TGM6: variants seen among roughly 807,000 people sequenced by gnomAD.
TGM6 encodes transglutaminase 6, also known as protein-glutamine gamma-glutamyltransferase 6.
In TGM6, 74 loss-of-function variants were observed where a neutral mutation model predicts 77.5. The ratio of observed to expected loss-of-function variants is 0.96; its 90% CI spans 0.79 to 1.16. The LOEUF is 1.16. Among genes scored for constraint, TGM6 ranks in the 50% most tolerant of loss-of-function variants. The pLI is 0.00. For missense variants in TGM6, 968 were observed against 940.2 expected, an observed-to-expected ratio of 1.03 and a Z score of -0.39; for synonymous variants, 383 against 378.9, an observed-to-expected ratio of 1.01 and a Z score of -0.12.
chr20:2,427,386 C>A (rs1017769067), intron 10 of TGM6, among the ~76,000 whole-genome samples: 2 of 152,084 alleles, frequency 1.3e-5, no homozygotes, highest in Non-Finnish European at 2.9e-5. Context: ...GTAGAGATGT[C>A]CTCTCTTGCA....
intron 1 of TGM6, among the ~76,000 whole-genome samples, chr20:2,393,749 G>C (rs115290931): frequency 3.3e-5 from 5 of 151,984 alleles, no homozygotes; most frequent in Admixed American, 3.3e-4. Flanking sequence ...GTGGTCTCGA[G>C]CTCCTGAGCT....
chr20:2,410,291 T>C (rs573373425), intron 9 of TGM6, among the ~76,000 whole-genome samples: 1 of 152,184 alleles, frequency 6.6e-6, no homozygotes, highest in East Asian at 1.9e-4. Context: ...TGCTAAACAA[T>C]GGGGTTTGGA....
At chr20:2,406,302 G>T (rs1034749701) in intron 9 of TGM6, among the ~76,000 whole-genome samples, 1 of 151,848 alleles carries the variant, frequency 6.6e-6, no homozygotes, top group East Asian at 1.9e-4. Flanking sequence ...TCTAGCCTGG[G>T]CAACATGGCA....
In TGM6 at chr20:2,431,107, G is replaced by C. The variant is rs539316523; in HGVS notation, c.1967+80G>C. On this transcript the variant is annotated intron_variant, in intron 12 of 12. Transcript: ENST00000202625. ...AGCCAGAGAGAAGTTGCCAGGGATGGGGGTGTGAGAGAGATTCTGGACACC... is the reference window on the plus strand; with the variant it reads ...AGCCAGAGAGAAGTTGCCAGGGATGCGGGTGTGAGAGAGATTCTGGACACC... 2.2e-5 allele frequency: 35 copies of C among 1,583,948 alleles called. No individual in the cohort carries two copies. In the South Asian group the frequency reaches 3.2e-4, roughly 14 times the overall value.
At chr20:2,404,730 TC>T in intron 9 of TGM6, among the ~76,000 whole-genome samples, 1 of 151,994 alleles carries the variant, frequency 6.6e-6, no homozygotes, top group African/African-American at 2.4e-5. Flanking sequence ...AACCTCCGCC[TC>T]CTGGGTTCAA....
rs547708748 is a variant in TGM6 at position 2,406,587 on chromosome 20, G to A, written c.1336+2764G>A. 4.0e-5 allele frequency among the ~76,000 whole-genome samples: 6 copies of A among 151,220 alleles called. 1 individual carries two copies. The South Asian group carries it at 1.3e-3, about 32-fold the overall frequency. ...GCAGTGGCTCACACCTATAATCCCAGCACTCTGGGAGGCCGAGGCAGGCAG... is the reference window on the plus strand; with the variant it reads ...GCAGTGGCTCACACCTATAATCCCAACACTCTGGGAGGCCGAGGCAGGCAG... On this transcript the variant is annotated intron_variant, in intron 9 of 12. Transcript: ENST00000202625.
rs190167306 is a variant in TGM6, at chr20:2,387,385, G to A, written c.7+6410G>A. On this transcript the variant is annotated intron_variant, in intron 1 of 12. Coordinates refer to ENST00000202625, the MANE Select transcript of TGM6 (RefSeq NM_198994.3). Reference sequence around the variant, plus strand: ...CCCCCTGGAACTGTTGTTCCAGCTCGTGCCACATGGGGTCACTGTTGAACA... The same window carrying A: ...CCCCCTGGAACTGTTGTTCCAGCTCATGCCACATGGGGTCACTGTTGAACA... Among the ~76,000 whole-genome samples, 627 of 152,304 alleles carry A rather than the reference G, an allele frequency of 4.1e-3. 2 individuals carry two copies. The highest frequency in any genetic ancestry group is 6.5e-3 in the Non-Finnish European group (443 of 68,030).
intron 10 of TGM6, among the ~76,000 whole-genome samples, chr20:2,427,229 AT>A (rs1255271283): frequency 1.3e-5 from 2 of 152,064 alleles, no homozygotes; most frequent in Admixed American, 6.6e-5. Context: ...ATTTTAGCAG[AT>A]TTTTTTCTTT....
intron 10 of TGM6, among the ~76,000 whole-genome samples, chr20:2,425,602 T>C (rs2084882587): frequency 6.6e-6 from 1 of 152,210 alleles, no homozygotes; most frequent in Non-Finnish European, 1.5e-5. Context: ...AGTCAGGTAG[T>C]GCCAGTCCTC....
intron 1 of TGM6, among the ~76,000 whole-genome samples, chr20:2,381,953 G>A (rs866354872): frequency 2.0e-5 from 3 of 146,820 alleles, no homozygotes; most frequent in Admixed American, 6.9e-5. Context: ...TGTCCCCCAC[G>A]ACCTCAATAT....
chr20:2,428,594 G>C (rs1413534094), intron 10 of TGM6, among the ~76,000 whole-genome samples: 1 of 151,652 alleles, frequency 6.6e-6, no homozygotes, highest in Non-Finnish European at 1.5e-5. Flanking sequence ...TAAAGTATTT[G>C]GCATCATTCT....
intron 6 of TGM6, 68 bp from the exon 7 acceptor site, chr20:2,400,238 G>C: frequency 6.2e-7 from 1 of 1,608,542 alleles, no homozygotes; most frequent in Non-Finnish European, 8.5e-7. Flanking sequence ...CAGGGCGCCT[G>C]CTGTGGAAGC....
intron 1 of TGM6, among the ~76,000 whole-genome samples, chr20:2,386,483 T>G (rs2084596930): frequency 6.6e-6 from 1 of 151,988 alleles, no homozygotes; most frequent in Non-Finnish European, 1.5e-5. Flanking sequence ...ATGGGGTTAA[T>G]GGGGAGCAAA....
In TGM6 at chr20:2,426,484, T is replaced by C. The variant is rs571991050; in HGVS notation, c.1679-3962T>C. Among the ~76,000 whole-genome samples the C allele has an allele frequency of 9.7e-4, 147 of 152,300 alleles. 1 individual carries two copies. Among genetic ancestry groups the C allele is most frequent in the African/African-American group, 3.4e-3 (141 of 41,580 alleles). On this transcript the variant is annotated intron_variant, in intron 10 of 12. Coordinates refer to ENST00000202625, the MANE Select transcript of TGM6 (RefSeq NM_198994.3). ...AACAAAGACTGTTTTATTTCTTCCT[T>C]CCCAATCTGTATACATTTTATTTCC...
At chr20:2,389,876 C>T (rs181360531) in intron 1 of TGM6, among the ~76,000 whole-genome samples, 143 of 152,294 alleles carry the variant, frequency 9.4e-4, no homozygotes, top group African/African-American at 2.2e-3. Context: ...GATCTACTGA[C>T]ATATTAGCCC....
At chr20:2,426,721 G>A (rs2084889897) in intron 10 of TGM6, among the ~76,000 whole-genome samples, 1 of 152,086 alleles carries the variant, frequency 6.6e-6, no homozygotes, top group South Asian at 2.1e-4. Context: ...AGCTTTATCA[G>A]GAATGGGTGT....
At chr20:2,385,749 T>G (rs548650189) in intron 1 of TGM6, among the ~76,000 whole-genome samples, 4 of 152,154 alleles carry the variant, frequency 2.6e-5, no homozygotes, top group Admixed American at 6.5e-5. Flanking sequence ...CCAAGGACGC[T>G]GCAGAGCATC....
chr20:2,414,330 T>A (rs2084801644), intron 9 of TGM6, among the ~76,000 whole-genome samples: 1 of 152,180 alleles, frequency 6.6e-6, no homozygotes, highest in South Asian at 2.1e-4. Context: ...CATCATTAAG[T>A]CATTAGGAAA....
chr20:2,407,860 C>T (rs542055699), intron 9 of TGM6, among the ~76,000 whole-genome samples: 1 of 152,252 alleles, frequency 6.6e-6, no homozygotes, highest in Non-Finnish European at 1.5e-5. Context: ...AGGCATGATT[C>T]AGAGGCAAGG....
Sources: gnomAD v4.1 joint callset for allele counts (sites outside exome capture counted in the v4.1 genomes callset) on GRCh38, gnomAD v4.1.1 for gene constraint, MANE v1.5 for transcripts, NCBI Gene and HGNC (gene_info 2026-07-23, HGNC 2026-07-21) for gene names.